Variants in MOB3B observed in about 807,000 individuals in gnomAD.
MOB3B encodes MOB kinase activator 3B.
Under a neutral mutation model 18.7 loss-of-function variants are expected in MOB3B, and 7 were observed. The ratio of observed to expected loss-of-function variants is 0.37; its 90% CI spans 0.21 to 0.70. MOB3B has a LOEUF of 0.70. Ranked by LOEUF, MOB3B falls within the 30% of genes least tolerant of loss-of-function variation. The pLI is 0.52. For synonymous variants in MOB3B, 111 were observed against 99.9 expected (o/e 1.11, Z -0.66); for missense variants, 253 against 281.3 (o/e 0.90, Z 0.72).
chr9:27,349,352 G>A (rs1237973705), intron 3 of MOB3B, among the ~76,000 whole-genome samples: 2 of 152,200 alleles, frequency 1.3e-5, no homozygotes, highest in African/African-American at 4.8e-5. Flanking sequence ...GGTGGGACAG[G>A]TGGGTGGTGG....
rs542293909 is a variant in MOB3B at position 27,388,711 on chromosome 9, T to C, written c.419-29475A>G. On this transcript the variant is annotated intron_variant, in intron 2 of 3. Transcript: ENST00000262244. ...CTTCAAATTTAACCTGTCTAACACA[T>C]GTTGAATATATTCTTTTCCTTTCCC... 5.9e-5 allele frequency among the ~76,000 whole-genome samples: 9 copies of C among 152,212 alleles called. No individual in the cohort carries two copies. The East Asian group carries it at 1.7e-3, about 29-fold the overall frequency.
At chr9:27,397,370 C>T (rs891335545) in intron 2 of MOB3B, 1 of 151,694 alleles carries the variant, frequency 6.6e-6, no homozygotes, top group African/African-American at 2.4e-5. Context: ...GGCTTTTCAT[C>T]TATTGAACCA....
intron 2 of MOB3B, among the ~76,000 whole-genome samples, chr9:27,417,833 C>T (rs553192316): frequency 1.2e-4 from 19 of 152,116 alleles, no homozygotes; most frequent in Middle Eastern, 3.4e-3. Context: ...GAGGTCGGGG[C>T]CGGTGGATCA....
chr9:27,529,638 T>C lies in MOB3B; in HGVS notation c.-282A>G. The C allele has an allele frequency of 5.1e-6, 5 of 985,504 alleles. No homozygotes were observed. The highest frequency in any genetic ancestry group is 6.0e-6 in the Non-Finnish European group (5 of 830,022). 61.0% of individuals were successfully genotyped at this position (985,504 alleles called of 1,614,324 possible). A position where few individuals can be genotyped will look rare whatever the true frequency, so the allele number is the denominator to read the frequency against. On this transcript the variant is annotated 5_prime_UTR_variant, in exon 1 of 4. Coordinates refer to ENST00000262244, the MANE Select transcript of MOB3B (RefSeq NM_024761.5). Reference sequence around the variant, plus strand: ...GCCAGCGCGAAAGAAAATGGTGAGCTCGGGGCAGGTGGGGCGTCGCTTGCC... The same window carrying C: ...GCCAGCGCGAAAGAAAATGGTGAGCCCGGGGCAGGTGGGGCGTCGCTTGCC...
intron 1 of MOB3B, among the ~76,000 whole-genome samples, chr9:27,456,696 C>T (rs1262251864): frequency 1.3e-5 from 2 of 152,196 alleles, no homozygotes; most frequent in African/African-American, 4.8e-5. Flanking sequence ...ACACTTTAGA[C>T]AGCACTTTGA....
Position 27,426,317 on chromosome 9 carries a change from G to T in MOB3B, c.418+28816C>A, listed in dbSNP as rs77285400. Among the ~76,000 whole-genome samples the T allele has an allele frequency of 6.1e-3, 924 of 152,336 alleles. 8 individuals carry two copies. The highest frequency in any genetic ancestry group is 0.022 in the African/African-American group (901 of 41,562). On this transcript the variant is annotated intron_variant, in intron 2 of 3. Coordinates refer to ENST00000262244, the MANE Select transcript of MOB3B (RefSeq NM_024761.5). ...TTACAAGCACCAAATAGGAAGGAAAGGGGTTATACGTTTTGTTTTGTTTTC... is the reference window on the plus strand; with the variant it reads ...TTACAAGCACCAAATAGGAAGGAAATGGGTTATACGTTTTGTTTTGTTTTC...
chr9:27,458,675 T>C (rs554509706), intron 1 of MOB3B, among the ~76,000 whole-genome samples: 31 of 147,296 alleles, frequency 2.1e-4, no homozygotes, highest in African/African-American at 6.9e-4. Context: ...CTCAGCCTTC[T>C]AAGTACCAGG....
intron 2 of MOB3B, among the ~76,000 whole-genome samples, chr9:27,429,125 A>C (rs1000266432): frequency 6.6e-6 from 1 of 152,222 alleles, no homozygotes; most frequent in Non-Finnish European, 1.5e-5. Context: ...ATGACATGAC[A>C]TAAAGGGAAA....
chr9:27,518,591 A>G (rs17696492), intron 1 of MOB3B, among the ~76,000 whole-genome samples: 4,935 of 152,286 alleles, frequency 0.032, 107 homozygotes, highest in Middle Eastern at 0.065. Context: ...TTTATCAGGG[A>G]TTCTTTTCCA....
At chr9:27,464,222 G>A (rs1294154240) in intron 1 of MOB3B, among the ~76,000 whole-genome samples, 1 of 152,124 alleles carries the variant, frequency 6.6e-6, no homozygotes, top group African/African-American at 2.4e-5. Flanking sequence ...GGTGGTAGGG[G>A]TGGGGGGCAC....
intron 3 of MOB3B, among the ~76,000 whole-genome samples, chr9:27,336,668 C>T (rs1224922829): frequency 6.6e-6 from 1 of 152,064 alleles, no homozygotes; most frequent in Non-Finnish European, 1.5e-5. Context: ...GTGTACTTCT[C>T]ACTAACCATT....
At chr9:27,441,318 A>G (rs1379982177) in intron 2 of MOB3B, among the ~76,000 whole-genome samples, 2 of 152,162 alleles carry the variant, frequency 1.3e-5, no homozygotes, top group Non-Finnish European at 2.9e-5. Context: ...CTTAGCCTAC[A>G]ATTTTTTTCT....
intron 2 of MOB3B, among the ~76,000 whole-genome samples, chr9:27,365,084 C>T (rs796979055): frequency 2.1e-5 from 3 of 146,280 alleles, no homozygotes; most frequent in Non-Finnish European, 3.0e-5. Flanking sequence ...AATACTTCAT[C>T]GATCAAAATT....
At chr9:27,404,343 CTTTCTT>C (rs1313808145) in intron 2 of MOB3B, among the ~76,000 whole-genome samples, 8 of 100,664 alleles carry the variant, frequency 7.9e-5, no homozygotes, top group African/African-American at 3.2e-4. Flanking sequence ...TTCCTTCTTT[CTTTCTT>C]TTTTTTTTTT....
rs1269907922 is a variant in MOB3B at position 27,444,238 on chromosome 9, G to GGGAGGGAA, written c.418+10894_418+10895insTTCCCTCC. Among the ~76,000 whole-genome samples the GGGAGGGAA allele has an allele frequency of 6.5e-3, 701 of 107,910 alleles. 27 individuals carry two copies. Among genetic ancestry groups the GGGAGGGAA allele is most frequent in the African/African-American group, 0.023 (593 of 26,102 alleles). 70.8% of individuals were successfully genotyped at this position (107,910 alleles called of 152,430 possible). On this transcript the variant is annotated intron_variant, in intron 2 of 3. Coordinates refer to ENST00000262244, the MANE Select transcript of MOB3B (RefSeq NM_024761.5). ...GAAAGAAAAAGAAAGGAGGGAGGGA[G>GGGAGGGAA]GGAAGGAAGGAAGGAAGGAAGGAAG...
At chr9:27,422,830 A>G (rs1822275124) in intron 2 of MOB3B, among the ~76,000 whole-genome samples, 1 of 152,262 alleles carries the variant, frequency 6.6e-6, no homozygotes, top group African/African-American at 2.4e-5. Context: ...ATGTACACAT[A>G]AACATTTAAA....
intron 2 of MOB3B, among the ~76,000 whole-genome samples, chr9:27,418,774 A>C (rs1488814911): frequency 6.6e-6 from 1 of 152,172 alleles, no homozygotes; most frequent in Non-Finnish European, 1.5e-5. Flanking sequence ...GAACTGGAAC[A>C]AGACAAGAAT....
intron 1 of MOB3B, among the ~76,000 whole-genome samples, chr9:27,521,804 C>T (rs1260543430): frequency 6.6e-6 from 1 of 152,030 alleles, no homozygotes; most frequent in African/African-American, 2.4e-5. Context: ...GGAACTGAGC[C>T]TTAGGGAGAA....
At position 27,329,754 on chromosome 9, in the gene MOB3B, T is replaced by C. The variant is rs1225650938; in HGVS notation, c.*833A>G. 1 of 152,694 alleles carries C rather than the reference T, an allele frequency of 6.5e-6. No homozygotes were observed. The highest frequency in any genetic ancestry group is 1.5e-5 in the Non-Finnish European group (1 of 68,054). The allele number at this position is 152,694 out of a possible 1,614,324, so 9.5% of individuals were successfully genotyped here. A position where few individuals can be genotyped will look rare whatever the true frequency, so the allele number is the denominator to read the frequency against. ...ATCATTCTTAGTTATTTAGGACTTT[T>C]ATTTCTCTCTTCTGGGAAACAGGAA... On this transcript the variant is annotated 3_prime_UTR_variant, in exon 4 of 4. Coordinates refer to ENST00000262244, the MANE Select transcript of MOB3B (RefSeq NM_024761.5).
Sources: gnomAD v4.1 joint callset for allele counts (sites outside exome capture counted in the v4.1 genomes callset) on GRCh38, gnomAD v4.1.1 for gene constraint, MANE v1.5 for transcripts, NCBI Gene and HGNC (gene_info 2026-07-23, HGNC 2026-07-21) for gene names.